Variants in CSMD2 observed in about 807,000 individuals in gnomAD.
CSMD2 encodes CUB and Sushi multiple domains 2, also known as CUB and sushi domain-containing protein 2.
Under a neutral mutation model 398.5 loss-of-function variants are expected in CSMD2, and 130 were observed. The observed-to-expected ratio is 0.33, with a 90% CI of 0.28 to 0.38. CSMD2 has a LOEUF of 0.38. CSMD2 is among the 10% of genes least tolerant of loss of function. The probability of loss-of-function intolerance (pLI) is 1.00; values close to 1 mark genes in which losing one functional copy is unlikely to be tolerated. For missense variants in CSMD2, 3,829 were observed against 4,764.9 expected (o/e 0.80, Z 5.78); for synonymous variants, 1,828 against 1,908.5 (o/e 0.96, Z 1.10).
At chr1:33,824,735 G>A (rs1256057533) in intron 7 of CSMD2, among the ~76,000 whole-genome samples, 1 of 152,104 alleles carries the variant, frequency 6.6e-6, no homozygotes, top group East Asian at 1.9e-4. Flanking sequence ...GGAGAGAAGA[G>A]GCGGGAGCAG....
rs767730448 is a variant in CSMD2, at chr1:34,068,412, A to G, written c.404+20565T>C. On this transcript the variant is annotated intron_variant, in intron 2 of 70. Coordinates refer to ENST00000373381, the MANE Select transcript of CSMD2 (RefSeq NM_001281956.2). ...AAACAATGTAACTATGTTGCAAAAAACTTTTCAATACAAAAGATTAAAAAA... is the reference window on the plus strand; with the variant it reads ...AAACAATGTAACTATGTTGCAAAAAGCTTTTCAATACAAAAGATTAAAAAA... 3.0e-4 allele frequency among the ~76,000 whole-genome samples: 45 copies of G among 152,212 alleles called. 1 individual carries two copies. Among genetic ancestry groups the G allele is most frequent in the Non-Finnish European group, 5.9e-4 (40 of 68,038 alleles).
chr1:33,625,105 G>C lies in CSMD2; in HGVS notation c.5446C>G (p.Leu1816Val). 6.2e-7 allele frequency: 1 copy of C among 1,614,102 alleles called. No individual in the cohort carries two copies. Among genetic ancestry groups the C allele is most frequent in the African/African-American group, 1.3e-5 (1 of 75,060 alleles). The change falls in exon 34 of 71, where the codon CTC becomes GTC. Residue 1816 changes from leucine to valine, a missense_variant. Physicochemically the swap from Leu to Val is conservative, Grantham distance 32 (BLOSUM62 1). This residue lies in a region of CSMD2 where 2,001 missense variants were observed against 2,567.1 expected (regional missense o/e 0.78). Coordinates refer to ENST00000373381, the MANE Select transcript of CSMD2 (RefSeq NM_001281956.2). ...ALQGSPEIEC[L>V]PVPGALAQWN... ...TGGGCCAAGGCCCCAGGCACAGGGA[G>C]GCACTCGATCTCTGGCGACCCCTGC...
intron 49 of CSMD2, among the ~76,000 whole-genome samples, chr1:33,574,357 A>T (rs754501078): frequency 6.6e-5 from 10 of 152,230 alleles, no homozygotes; most frequent in Non-Finnish European, 8.8e-5. Context: ...GAGGAATAGG[A>T]ATTACTTAGG....
intron 1 of CSMD2, among the ~76,000 whole-genome samples, chr1:34,126,661 G>A (rs887793505): frequency 2.0e-5 from 3 of 152,192 alleles, no homozygotes; most frequent in Non-Finnish European, 4.4e-5. Flanking sequence ...GGGAGGGCTG[G>A]GAGACACTGC....
intron 3 of CSMD2, among the ~76,000 whole-genome samples, chr1:34,024,772 C>T (rs187927422): frequency 1.3e-5 from 2 of 152,266 alleles, no homozygotes; most frequent in Admixed American, 6.5e-5. Flanking sequence ...GGCTTAAATG[C>T]TGCAAATTGC....
chr1:33,730,767 G>GGA (rs530742298), intron 15 of CSMD2, among the ~76,000 whole-genome samples: 90 of 152,206 alleles, frequency 5.9e-4, no homozygotes, highest in African/African-American at 2.1e-3. Context: ...AAGAGTGAAA[G>GGA]GAGATATGGA....
intron 3 of CSMD2, among the ~76,000 whole-genome samples, chr1:33,978,296 G>A (rs1646041804): frequency 6.6e-6 from 1 of 152,072 alleles, no homozygotes; most frequent in African/African-American, 2.4e-5. Flanking sequence ...GGGTGTAATG[G>A]GACAATATTC....
chr1:33,905,299 G>T (rs1400023327), intron 5 of CSMD2, among the ~76,000 whole-genome samples: 3 of 152,168 alleles, frequency 2.0e-5, no homozygotes, highest in Non-Finnish European at 4.4e-5. Flanking sequence ...ATAAAGGCTG[G>T]ACAGAGAGTG....
At chr1:33,604,213 C>T (rs554326601) in intron 42 of CSMD2, among the ~76,000 whole-genome samples, 1 of 152,284 alleles carries the variant, frequency 6.6e-6, no homozygotes, top group South Asian at 2.1e-4. Context: ...TGGAAGAAAG[C>T]CCAGGATGAG....
intron 22 of CSMD2, among the ~76,000 whole-genome samples, chr1:33,708,869 G>A (rs923938819): frequency 2.2e-4 from 34 of 152,090 alleles, no homozygotes; most frequent in Non-Finnish European, 4.3e-4. Flanking sequence ...ACATGCATTT[G>A]ATAGCAGGCA....
chr1:33,864,494 A>G, intron 5 of CSMD2: 1 of 1,613,704 alleles, frequency 6.2e-7, no homozygotes, highest in South Asian at 1.1e-5. Context: ...CATCCTTCCT[A>G]CTCTTCTGCC....
chr1:33,916,266 A>G (rs577566478), intron 5 of CSMD2, among the ~76,000 whole-genome samples: 2 of 152,242 alleles, frequency 1.3e-5, no homozygotes, highest in African/African-American at 4.8e-5. Context: ...CTAGGCCAAG[A>G]AAAAAGGTCA....
intron 3 of CSMD2, among the ~76,000 whole-genome samples, chr1:34,009,105 C>T (rs76402303): frequency 0.085 from 12,872 of 152,106 alleles, 1,087 homozygotes; most frequent in East Asian, 0.39. Context: ...AGGGGCTCTT[C>T]CTCCTTCTCA....
chr1:33,681,593 C>T (rs1644909944), intron 25 of CSMD2, among the ~76,000 whole-genome samples: 1 of 152,142 alleles, frequency 6.6e-6, no homozygotes, highest in South Asian at 2.1e-4. Context: ...CTAAACATCT[C>T]AGTTGGCTAA....
chr1:34,148,516 C>T (rs1639992507), intron 1 of CSMD2, among the ~76,000 whole-genome samples: 1 of 151,382 alleles, frequency 6.6e-6, no homozygotes, highest in Non-Finnish European at 1.5e-5. Flanking sequence ...CATTCATTCA[C>T]AATATTTATT....
At chr1:33,732,414 G>A (rs1302142564) in intron 15 of CSMD2, among the ~76,000 whole-genome samples, 1 of 152,190 alleles carries the variant, frequency 6.6e-6, no homozygotes, top group Non-Finnish European at 1.5e-5. Flanking sequence ...AAGGTTAAAT[G>A]AGGTCATGAG....
At chr1:33,527,940 CAAA>C (rs61088318) in intron 64 of CSMD2, among the ~76,000 whole-genome samples, 387 of 108,514 alleles carry the variant, frequency 3.6e-3, no homozygotes, top group African/African-American at 0.011. Context: ...GACTCTGTCT[CAAA>C]AAAAAAAAAA....
At chr1:33,670,166 C>T (rs1644446997) in intron 25 of CSMD2, among the ~76,000 whole-genome samples, 3 of 152,236 alleles carry the variant, frequency 2.0e-5, no homozygotes, top group African/African-American at 7.2e-5. Flanking sequence ...TCCTCCCCAT[C>T]CCCTCAGTCT....
At chr1:33,950,543 A>ATGGCATG (rs3045878) in intron 3 of CSMD2, among the ~76,000 whole-genome samples, 15,781 of 152,102 alleles carry the variant, frequency 0.1, 1,374 homozygotes, top group African/African-American at 0.24. Context: ...GTGCAGGGAC[A>ATGGCATG]TGGCATGTGG....
Sources: allele counts gnomAD v4.1 joint callset (sites outside exome capture counted in the v4.1 genomes callset), GRCh38; gene constraint gnomAD v4.1.1; regional missense constraint gnomAD v4.1.1; transcripts MANE v1.5; gene names NCBI Gene and HGNC (gene_info 2026-07-23, HGNC 2026-07-21).